LRRC28: variants seen among roughly 807,000 people sequenced by gnomAD.
LRRC28 encodes leucine rich repeat containing 28, also known as leucine-rich repeat-containing protein 28.
In LRRC28, 39 loss-of-function variants were observed where a neutral mutation model predicts 45.7. The observed-to-expected ratio is 0.85, with a 90% CI of 0.66 to 1.12. The LOEUF (loss-of-function observed/expected upper bound fraction) is 1.12, where lower values mean the gene tolerates loss of function less well. Among genes scored for constraint, LRRC28 ranks in the 50% most tolerant of loss-of-function variants. LRRC28 has a pLI of 0.00. For synonymous variants in LRRC28, 206 were observed against 178.8 expected, an observed-to-expected ratio of 1.15 and a Z score of -1.22; for missense variants, 435 against 438.5, an observed-to-expected ratio of 0.99 and a Z score of 0.07.
At chr15:99,266,350 A>T (rs904161456) in intron 2 of LRRC28, among the ~76,000 whole-genome samples, 38 of 152,210 alleles carry the variant, frequency 2.5e-4, no homozygotes, top group African/African-American at 9.2e-4. Context: ...TTTACCTATC[A>T]GATTGGCAAA....
At chr15:99,342,106 C>G (rs1480519901) in intron 6 of LRRC28, among the ~76,000 whole-genome samples, 1 of 152,194 alleles carries the variant, frequency 6.6e-6, no homozygotes, top group African/African-American at 2.4e-5. Flanking sequence ...CTTGGTATTT[C>G]TGCCATAAAT....
chr15:99,265,801 A>T (rs1001263990), intron 2 of LRRC28, among the ~76,000 whole-genome samples: 4 of 152,138 alleles, frequency 2.6e-5, no homozygotes, highest in Non-Finnish European at 5.9e-5. Flanking sequence ...CAGTTCCTTT[A>T]TTTACAAGAA....
Position 99,255,885 on chromosome 15 carries a change from G to A in LRRC28, c.-60-13G>A, listed in dbSNP as rs186484452. ...AATCTTACAATGAATAAATTTTCTC[G>A]TTCTCTTTATAGAAATGGACCAATT... On this transcript the variant is annotated splice_polypyrimidine_tract_variant and intron_variant, in intron 1 of 9. Transcript: ENST00000301981. 1.2e-3 allele frequency: 1,720 copies of A among 1,461,116 alleles called. 16 individuals carry two copies. Among genetic ancestry groups the A allele is most frequent in the African/African-American group, 6.6e-4 (46 of 69,998 alleles). 90.5% of individuals were successfully genotyped at this position (1,461,116 alleles called of 1,614,324 possible).
intron 7 of LRRC28, among the ~76,000 whole-genome samples, chr15:99,357,617 C>G (rs956153677): frequency 6.6e-6 from 1 of 152,072 alleles, no homozygotes; most frequent in Admixed American, 6.6e-5. Context: ...TTGTTCTTGA[C>G]CTTGGTGGTG....
chr15:99,367,110 A>G (rs1957361278), intron 9 of LRRC28, among the ~76,000 whole-genome samples: 1 of 152,188 alleles, frequency 6.6e-6, no homozygotes, highest in African/African-American at 2.4e-5. Context: ...CAGTCCCACA[A>G]GACTGCCTCC....
intron 2 of LRRC28, among the ~76,000 whole-genome samples, chr15:99,271,856 C>T (rs1410926837): frequency 2.0e-5 from 3 of 152,204 alleles, no homozygotes; most frequent in African/African-American, 7.2e-5. Flanking sequence ...ACTTTGGCCT[C>T]CCAAAATGTT....
intron 9 of LRRC28, among the ~76,000 whole-genome samples, chr15:99,364,202 TGGG>T (rs773029174): frequency 1.3e-5 from 2 of 152,156 alleles, no homozygotes; most frequent in Non-Finnish European, 2.9e-5. Context: ...TGTGAGAACG[TGGG>T]CAGGCTGTGG....
chr15:99,333,794 C>A lies in LRRC28; in HGVS notation c.386-129C>A, dbSNP rs1956231117. ...CATTTTCACCAAAAATCCTGCACTT[C>A]AGCATTCATGTTTATGGGAATAGTC... On this transcript the variant is annotated intron_variant, in intron 5 of 9. Transcript: ENST00000301981. 3.1e-6 allele frequency: 3 copies of A among 952,420 alleles called. No homozygotes were observed. In the Admixed American group the frequency reaches 7.0e-5, roughly 22 times the overall value. The allele number at this position is 952,420 out of a possible 1,614,324, so 59.0% of individuals were successfully genotyped here.
intron 5 of LRRC28, among the ~76,000 whole-genome samples, chr15:99,321,167 A>G (rs1231518714): frequency 6.6e-6 from 1 of 152,178 alleles, no homozygotes; most frequent in Non-Finnish European, 1.5e-5. Flanking sequence ...TCCATGAAAA[A>G]ATTCTATATC....
At chr15:99,321,759 A>G (rs751973129) in intron 5 of LRRC28, among the ~76,000 whole-genome samples, 7 of 152,202 alleles carry the variant, frequency 4.6e-5, no homozygotes, top group Non-Finnish European at 8.8e-5. Flanking sequence ...CTGTGCACCT[A>G]CCATGTGCTA....
intron 2 of LRRC28, among the ~76,000 whole-genome samples, chr15:99,265,572 T>G (rs897291934): frequency 6.6e-6 from 1 of 152,148 alleles, no homozygotes; most frequent in Admixed American, 6.5e-5. Context: ...CATCGGTCCC[T>G]GTGGTCTTTG....
chr15:99,315,152 A>G (rs1236487566), intron 5 of LRRC28, among the ~76,000 whole-genome samples: 1 of 152,206 alleles, frequency 6.6e-6, no homozygotes, highest in African/African-American at 2.4e-5. Context: ...AGTTCTTATA[A>G]AAATTACCAG....
chr15:99,366,515 G>A (rs1250007564), intron 9 of LRRC28, among the ~76,000 whole-genome samples: 1 of 152,160 alleles, frequency 6.6e-6, no homozygotes, highest in Non-Finnish European at 1.5e-5. Flanking sequence ...CCATAGTTCT[G>A]GAGGAAAGAA....
At chr15:99,378,477 A>G (rs1287914849) in intron 9 of LRRC28, among the ~76,000 whole-genome samples, 2 of 152,188 alleles carry the variant, frequency 1.3e-5, no homozygotes, top group African/African-American at 4.8e-5. Context: ...CAATCATGTC[A>G]TCTGCAAACA....
intron 5 of LRRC28, among the ~76,000 whole-genome samples, chr15:99,302,217 TG>T (rs1434076695): frequency 6.6e-6 from 1 of 151,760 alleles, no homozygotes; most frequent in Non-Finnish European, 1.5e-5. Context: ...TTAGTAGAGA[TG>T]GGGTTTCATC....
chr15:99,285,285 C>T, intron 3 of LRRC28: 2 of 737,884 alleles, frequency 2.7e-6, no homozygotes, highest in African/African-American at 1.7e-5. Flanking sequence ...AAGTAGGCAC[C>T]TGGTCTTTGA....
chr15:99,310,072 G>A (rs1955347895), intron 5 of LRRC28, among the ~76,000 whole-genome samples: 1 of 151,530 alleles, frequency 6.6e-6, no homozygotes, highest in Non-Finnish European at 1.5e-5. Flanking sequence ...GAACTGTTAA[G>A]CATAAAAAGC....
chr15:99,262,073 T>G lies in LRRC28; in HGVS notation c.168+5948T>G, dbSNP rs2081212625. Among the ~76,000 whole-genome samples, 4 of 152,152 alleles carry G rather than the reference T, an allele frequency of 2.6e-5. No individual in the cohort carries two copies. The South Asian group carries it at 8.3e-4, about 31-fold the overall frequency. ...CACCTCCTTGCTTGTGTTTATATAA[T>G]TACATATATTTTTTATTTATATTTT... On this transcript the variant is annotated intron_variant, in intron 2 of 9. Transcript: ENST00000301981.
At position 99,293,391 on chromosome 15, in the gene LRRC28, C is replaced by G. The variant is rs974092739; in HGVS notation, c.385+5440C>G. Reference sequence around the variant, plus strand: ...GGTGGATCACCTGAGGTTGGGAGTTCAAGACTAGCCTGACTAACATGGAGA... The same window carrying G: ...GGTGGATCACCTGAGGTTGGGAGTTGAAGACTAGCCTGACTAACATGGAGA... On this transcript the variant is annotated intron_variant, in intron 5 of 9. Transcript: ENST00000301981. 6.6e-5 allele frequency among the ~76,000 whole-genome samples: 10 copies of G among 151,812 alleles called. No homozygotes were observed. In the South Asian group the frequency reaches 1.9e-3, roughly 28 times the overall value.
Sources: gnomAD v4.1 joint callset for allele counts (sites outside exome capture counted in the v4.1 genomes callset) on GRCh38, gnomAD v4.1.1 for gene constraint, MANE v1.5 for transcripts, NCBI Gene and HGNC (gene_info 2026-07-23, HGNC 2026-07-21) for gene names.